CDH2: variants seen among roughly 807,000 people sequenced by gnomAD.
CDH2 encodes cadherin-2.
A neutral mutation model predicts 92.0 loss-of-function variants in CDH2; 17 were observed. The ratio of observed to expected loss-of-function variants is 0.18; its 90% CI spans 0.13 to 0.28. The LOEUF is 0.28. CDH2 is among the 10% of genes least tolerant of loss of function. The pLI is 1.00. For missense variants in CDH2, 862 were observed against 1,133.1 expected, an observed-to-expected ratio of 0.76 and a Z score of 3.44; for synonymous variants, 419 against 415.9, an observed-to-expected ratio of 1.01 and a Z score of -0.09.
At chr18:28,108,359 T>C (rs1339558966) in intron 2 of CDH2, among the ~76,000 whole-genome samples, 1 of 152,174 alleles carries the variant, frequency 6.6e-6, no homozygotes, top group Admixed American at 6.5e-5. Context: ...GTCACTGGAA[T>C]CTACAGTCAT....
At chr18:28,146,331 C>T (rs897403194) in intron 2 of CDH2, 1 of 151,770 alleles carries the variant, frequency 6.6e-6, no homozygotes, top group Admixed American at 6.6e-5. Flanking sequence ...TTCTAGGGTG[C>T]CAAGTAATAA....
exon 7 of CDH2, among the ~76,000 whole-genome samples, chr18:27,932,978 T>C (rs1424995939): frequency 6.6e-6 from 1 of 152,158 alleles, no homozygotes; most frequent in Non-Finnish European, 1.5e-5. Context: ...AACTCTAAAA[T>C]ATTAATTGTT....
At chr18:28,143,261 A>T (rs537595798) in intron 2 of CDH2, among the ~76,000 whole-genome samples, 2 of 152,028 alleles carry the variant, frequency 1.3e-5, no homozygotes, top group Non-Finnish European at 2.9e-5. Context: ...ATCCACACTA[A>T]AAACAGCCCA....
intron 7 of CDH2, among the ~76,000 whole-genome samples, chr18:27,995,908 C>T (rs555061167): frequency 6.6e-6 from 1 of 152,224 alleles, no homozygotes; most frequent in East Asian, 1.9e-4. Context: ...GCTTGATAGC[C>T]TGTGTTTTAG....
At chr18:28,135,668 G>T (rs777877580) in intron 2 of CDH2, among the ~76,000 whole-genome samples, 56 of 152,318 alleles carry the variant, frequency 3.7e-4, no homozygotes, top group Non-Finnish European at 6.6e-4. Flanking sequence ...CAACAAAGAT[G>T]CCATACCAGA....
intron 11 of CDH2, among the ~76,000 whole-genome samples, chr18:27,987,143 T>C (rs2012260978): frequency 6.6e-6 from 1 of 152,130 alleles, no homozygotes; most frequent in South Asian, 2.1e-4. Flanking sequence ...TCACAACCAA[T>C]ATACATACAT....
At chr18:28,167,309 T>A (rs2016400755) in intron 1 of CDH2, among the ~76,000 whole-genome samples, 1 of 152,078 alleles carries the variant, frequency 6.6e-6, no homozygotes, top group South Asian at 2.1e-4. Flanking sequence ...AAAGATATTG[T>A]AAGAAAACCC....
chr18:28,131,726 C>G (rs1223336272), intron 2 of CDH2, among the ~76,000 whole-genome samples: 4 of 142,200 alleles, frequency 2.8e-5, no homozygotes, highest in African/African-American at 1.0e-4. Flanking sequence ...ATAGTGTGAT[C>G]CTACAGCTCA....
At chr18:28,078,914 C>T (rs2014776148) in intron 2 of CDH2, among the ~76,000 whole-genome samples, 1 of 152,128 alleles carries the variant, frequency 6.6e-6, no homozygotes, top group South Asian at 2.1e-4. Context: ...TTCCTCTGGA[C>T]ATTAATAATA....
chr18:28,025,871 A>G (rs749719384), intron 2 of CDH2, among the ~76,000 whole-genome samples: 10 of 152,168 alleles, frequency 6.6e-5, no homozygotes, highest in Admixed American at 6.6e-4. Flanking sequence ...GTTGTGAATT[A>G]ATTTTTATAT....
At chr18:27,975,633 G>A (rs17468102) in intron 14 of CDH2, among the ~76,000 whole-genome samples, 22,495 of 152,214 alleles carry the variant, frequency 0.15, 2,077 homozygotes, top group East Asian at 0.38. Context: ...TCTGCTGTCC[G>A]CAGACAGCAG....
intron 2 of CDH2, among the ~76,000 whole-genome samples, chr18:28,062,932 C>T (rs1210963648): frequency 1.3e-5 from 2 of 152,134 alleles, no homozygotes; most frequent in Non-Finnish European, 2.9e-5. Flanking sequence ...GAGATCACGC[C>T]ACTGCACTCC....
At chr18:27,988,012 C>G (rs144039359) in intron 11 of CDH2, among the ~76,000 whole-genome samples, 128 of 152,176 alleles carry the variant, frequency 8.4e-4, no homozygotes, top group African/African-American at 2.8e-3. Context: ...CAATGAGAAA[C>G]CAGCAGAGAC....
At chr18:28,024,934 C>CA (rs1489539763) in intron 2 of CDH2, among the ~76,000 whole-genome samples, 1 of 152,090 alleles carries the variant, frequency 6.6e-6, no homozygotes, top group East Asian at 1.9e-4. Context: ...AGAAAATTTA[C>CA]AAAATTAATA....
chr18:27,947,349 A>C (rs957689890), downstream of CDH2, among the ~76,000 whole-genome samples: 1 of 151,860 alleles, frequency 6.6e-6, no homozygotes, highest in African/African-American at 2.4e-5. Context: ...AAATTCCATG[A>C]AAGTATATAC....
chr18:28,152,860 T>C (rs765522667), intron 1 of CDH2, among the ~76,000 whole-genome samples: 5 of 151,666 alleles, frequency 3.3e-5, no homozygotes, highest in African/African-American at 2.4e-5. Flanking sequence ...CTGCAAGGAA[T>C]GAAAAAGGGG....
chr18:27,982,115 C>A (rs941365928), intron 14 of CDH2, among the ~76,000 whole-genome samples: 2 of 152,128 alleles, frequency 1.3e-5, no homozygotes, highest in African/African-American at 4.8e-5. Flanking sequence ...TGGAGATGTT[C>A]ACAGTACTAG....
intron 2 of CDH2, among the ~76,000 whole-genome samples, chr18:28,037,022 C>A (rs960099249): frequency 2.0e-5 from 3 of 152,012 alleles, no homozygotes; most frequent in African/African-American, 7.2e-5. Context: ...AAAGAAGGAA[C>A]TTGGGTGAAA....
At chr18:27,948,335 AC>A (rs1188035522), downstream of CDH2, among the ~76,000 whole-genome samples, 2 of 151,936 alleles carry the variant, frequency 1.3e-5, no homozygotes, top group Non-Finnish European at 2.9e-5. Flanking sequence ...TGGAAAACAG[AC>A]CTTTATCTAG....
Sources: gnomAD v4.1 joint callset for allele counts (sites outside exome capture counted in the v4.1 genomes callset) on GRCh38, gnomAD v4.1.1 for gene constraint, MANE v1.5 for transcripts, NCBI Gene and HGNC (gene_info 2026-07-23, HGNC 2026-07-21) for gene names.